SMG6: variants seen among roughly 807,000 people sequenced by gnomAD.
SMG6 encodes SMG6 nonsense mediated mRNA decay factor, also known as telomerase-binding protein EST1A.
Under a neutral mutation model 142.2 loss-of-function variants are expected in SMG6, and 66 were observed. The ratio of observed to expected loss-of-function variants is 0.46; its 90% CI spans 0.38 to 0.57. The LOEUF (loss-of-function observed/expected upper bound fraction) is 0.57, where lower values mean the gene tolerates loss of function less well. Ranked by LOEUF, SMG6 falls within the 20% of genes least tolerant of loss-of-function variation. The probability of loss-of-function intolerance (pLI) is 0.00; values close to 1 mark genes in which losing one functional copy is unlikely to be tolerated. For synonymous variants in SMG6, 779 were observed against 702.4 expected (o/e 1.11, Z -1.72); for missense variants, 1,793 against 1,832.0 (o/e 0.98, Z 0.39).
At chr17:2,272,445 T>C (rs1048004247) in intron 8 of SMG6, among the ~76,000 whole-genome samples, 3 of 152,184 alleles carry the variant, frequency 2.0e-5, no homozygotes, top group Admixed American at 6.6e-5. Context: ...TCAACCTTCA[T>C]TGTTCATGGA....
chr17:2,144,560 T>G (rs2070601704), intron 13 of SMG6, among the ~76,000 whole-genome samples: 2 of 151,830 alleles, frequency 1.3e-5, no homozygotes, highest in Admixed American at 1.3e-4. Flanking sequence ...ATTATTTACT[T>G]TAAGTATATT....
chr17:2,224,378 T>C (rs971406094), intron 10 of SMG6, among the ~76,000 whole-genome samples: 7 of 152,160 alleles, frequency 4.6e-5, no homozygotes, highest in African/African-American at 1.7e-4. Context: ...CAAGTATATT[T>C]GGGAAATAAG....
intron 8 of SMG6, among the ~76,000 whole-genome samples, chr17:2,264,355 G>A (rs2074377611): frequency 6.6e-6 from 1 of 152,144 alleles, no homozygotes; most frequent in Admixed American, 6.5e-5. Context: ...GGCTTAAGTC[G>A]GGATATCAGG....
chr17:2,089,064 AG>A (rs1367295445), intron 13 of SMG6, among the ~76,000 whole-genome samples: 1 of 152,198 alleles, frequency 6.6e-6, no homozygotes, highest in East Asian at 1.9e-4. Flanking sequence ...TTGGTCTAGG[AG>A]GACTTCCTGG....
chr17:2,080,627 T>G (rs1463236667), intron 15 of SMG6, among the ~76,000 whole-genome samples: 1 of 151,940 alleles, frequency 6.6e-6, no homozygotes, highest in Non-Finnish European at 1.5e-5. Context: ...CTATTAGCAC[T>G]TTTTTCTTTT....
intron 13 of SMG6, among the ~76,000 whole-genome samples, chr17:2,133,429 G>C (rs1025795932): frequency 6.6e-6 from 1 of 152,100 alleles, no homozygotes; most frequent in Non-Finnish European, 1.5e-5. Context: ...GTGGGAAAGC[G>C]CTAGACTAAA....
At chr17:2,129,504 A>T (rs2070027672) in intron 13 of SMG6, among the ~76,000 whole-genome samples, 1 of 151,916 alleles carries the variant, frequency 6.6e-6, no homozygotes. Flanking sequence ...ACTTATCACA[A>T]ATCTATGGGC....
At chr17:2,193,856 C>A (rs1432697326) in intron 10 of SMG6, among the ~76,000 whole-genome samples, 2 of 152,236 alleles carry the variant, frequency 1.3e-5, no homozygotes, top group Admixed American at 1.3e-4. Flanking sequence ...GAGACAGATT[C>A]TCACTCTGTC....
intron 13 of SMG6, among the ~76,000 whole-genome samples, chr17:2,128,965 A>T (rs2070007691): frequency 6.6e-6 from 1 of 152,240 alleles, no homozygotes; most frequent in Non-Finnish European, 1.5e-5. Flanking sequence ...TCTCCCATGA[A>T]ACAACTATGA....
At chr17:2,222,541 TGCGGGG>T (rs1184377516) in intron 10 of SMG6, among the ~76,000 whole-genome samples, 1 of 3,704 alleles carries the variant, frequency 2.7e-4, no homozygotes, top group African/African-American at 1.3e-3. Context: ...AGAGAGGCAA[TGCGGGG>T]GCGGGGGGGG....
intron 10 of SMG6, among the ~76,000 whole-genome samples, chr17:2,223,793 G>C (rs934677997): frequency 6.6e-6 from 1 of 152,102 alleles, no homozygotes; most frequent in Admixed American, 6.6e-5. Context: ...GACACCATTT[G>C]CCATAAGACT....
chr17:2,184,710 A>G (rs987587356), intron 12 of SMG6, among the ~76,000 whole-genome samples: 41 of 148,720 alleles, frequency 2.8e-4, no homozygotes, highest in African/African-American at 9.5e-4. Flanking sequence ...TGCGCCTGTA[A>G]TCCCAGCACT....
At chr17:2,167,965 T>C (rs956745572) in intron 13 of SMG6, among the ~76,000 whole-genome samples, 1 of 152,104 alleles carries the variant, frequency 6.6e-6, no homozygotes, top group African/African-American at 2.4e-5. Context: ...ACCCCTGCAC[T>C]TAAAAAGTTC....
chr17:2,109,663 A>T (rs1370821426), intron 13 of SMG6, among the ~76,000 whole-genome samples: 2 of 152,234 alleles, frequency 1.3e-5, no homozygotes, highest in East Asian at 3.8e-4. Flanking sequence ...CTTTTGAAGA[A>T]CACATATAGA....
chr17:2,283,569 C>T, intron 7 of SMG6, 56 bp downstream of exon 7: 3 of 1,400,178 alleles, frequency 2.1e-6, no homozygotes, highest in Non-Finnish European at 3.0e-6. Flanking sequence ...GGCACACCAA[C>T]ACTCAGGGAA....
chr17:2,150,903 C>T (rs944881422), intron 13 of SMG6, among the ~76,000 whole-genome samples: 5 of 151,876 alleles, frequency 3.3e-5, no homozygotes, highest in Admixed American at 6.6e-5. Flanking sequence ...AAAAAAAATC[C>T]GTAACCCAGC....
At chr17:2,065,346 G>A in intron 17 of SMG6, 122 bp downstream of exon 17, 1 of 1,041,528 alleles carries the variant, frequency 9.6e-7, no homozygotes, top group South Asian at 1.4e-5. Context: ...TCCCCCACCT[G>A]GGCCTCCATG....
At chr17:2,236,690 C>T in intron 9 of SMG6, 53 bp from the exon 10 acceptor site, 1 of 1,542,128 alleles carries the variant, frequency 6.5e-7, no homozygotes, top group Admixed American at 1.8e-5. Flanking sequence ...CAGTCTCTCT[C>T]TCACTCTGTC....
chr17:2,097,821 G>A (rs2068896967), intron 13 of SMG6, among the ~76,000 whole-genome samples: 1 of 152,062 alleles, frequency 6.6e-6, no homozygotes, highest in African/African-American at 2.4e-5. Context: ...CTTTCACTAA[G>A]ACTAAAGTGT....
Sources: allele counts gnomAD v4.1 joint callset (sites outside exome capture counted in the v4.1 genomes callset), GRCh38; gene constraint gnomAD v4.1.1; transcripts MANE v1.5; gene names NCBI Gene and HGNC (gene_info 2026-07-23, HGNC 2026-07-21).